Variants in SIGLEC5 observed in about 807,000 individuals in gnomAD.
SIGLEC5 encodes sialic acid binding Ig like lectin 5, also known as sialic acid-binding Ig-like lectin 5.
Under a neutral mutation model 45.9 loss-of-function variants are expected in SIGLEC5, and 34 were observed. The observed-to-expected ratio is 0.74, with a 90% confidence interval of 0.56 to 0.99. The LOEUF (loss-of-function observed/expected upper bound fraction) is 0.99, where lower values mean the gene tolerates loss of function less well. SIGLEC5 is among the 50% of genes least tolerant of loss of function. The pLI, the probability that SIGLEC5 is intolerant of heterozygous loss-of-function variation, is 0.00. For missense variants in SIGLEC5, 508 were observed against 629.6 expected (o/e 0.81, Z 2.07); for synonymous variants, 203 against 258.6 (o/e 0.79, Z 2.06).
chr19:51,625,944 GGGA>G (rs2122633072), intron 8 of SIGLEC5, 85 bp downstream of exon 8: 1 of 987,616 alleles, frequency 1.0e-6, no homozygotes, highest in South Asian at 1.3e-5. Context: ...CAGGTGATGA[GGGA>G]GGAGTGGGTT....
chr19:51,612,263 T>C lies in SIGLEC5; in HGVS notation c.1624A>G (p.Thr542Ala), dbSNP rs1191269080. Residue 542 changes from threonine to alanine, a missense_variant, in exon 9 of 9, where the codon ACG becomes GCG. Coordinates refer to ENST00000683636, the MANE Select transcript of SIGLEC5 (RefSeq NM_003830.4). ...CTTGTCTTGATCTCCGAGTACTCCG[T>C]GGTGCTTGGGGCCTCCTGGTCCTTA... ...EPKDQEAPST[T>A]EYSEIKTSK The C allele has an allele frequency of 6.2e-7, 1 of 1,610,386 alleles. No homozygotes were observed. Among genetic ancestry groups the C allele is most frequent in the Non-Finnish European group, 8.5e-7 (1 of 1,178,040 alleles).
rs997998201 is a variant in SIGLEC5, at chr19:51,612,339, C to G, written c.1548G>C (p.Lys516Asn). 6.2e-7 allele frequency: 1 copy of G among 1,613,314 alleles called. No homozygotes were observed. The highest frequency in any genetic ancestry group is 1.3e-5 in the African/African-American group (1 of 74,874). Residue 516 changes from lysine to asparagine, a missense_variant, in exon 9 of 9, where the codon AAG becomes AAC. Transcript: ENST00000683636. ...PGDAPPLEEQ[K>N]ELHYASLSFS... The stretch of plus-strand genomic sequence containing the variant: ...AACTAAGGGAGGCATAATGGAGCTC[C>G]TTTTGTTCTTCCAAGGGAGGGGCAT...
At chr19:51,618,404 C>T (rs980865163) in intron 8 of SIGLEC5, among the ~76,000 whole-genome samples, 11 of 136,036 alleles carry the variant, frequency 8.1e-5, no homozygotes, top group African/African-American at 2.2e-4. Flanking sequence ...ATCCACATGC[C>T]GCTTCATTCC....
intron 8 of SIGLEC5, among the ~76,000 whole-genome samples, chr19:51,624,192 A>G (rs1217367418): frequency 6.6e-6 from 1 of 152,190 alleles, no homozygotes; most frequent in East Asian, 1.9e-4. Context: ...GGAAAAATGA[A>G]TACAACTGCA....
intron 5 of SIGLEC5, 37 bp from the exon 6 acceptor site, chr19:51,627,783 C>T: frequency 6.4e-7 from 1 of 1,567,778 alleles, no homozygotes; most frequent in Non-Finnish European, 8.7e-7. Flanking sequence ...CAGGGGGCCT[C>T]TTCCTTCTTT....
intron 8 of SIGLEC5, among the ~76,000 whole-genome samples, chr19:51,623,070 C>T (rs1983351183): frequency 6.6e-6 from 1 of 152,196 alleles, no homozygotes. Context: ...CGGATCAATG[C>T]TTGAGGGGCT....
Position 51,628,107 on chromosome 19 carries a change from G to T in SIGLEC5, c.740-16C>A. 1.3e-6 allele frequency: 2 copies of T among 1,503,208 alleles called. No homozygotes were observed. The allele number at this position is 1,503,208 out of a possible 1,614,324, so 93.1% of individuals were successfully genotyped here. ...ATCTCTAGGGCTTTGGGGAGAGAAG[G>T]GTGGGGAAAGAGAGATGGGGCCAGG... On this transcript the variant is annotated splice_polypyrimidine_tract_variant and intron_variant, in intron 4 of 8. Transcript: ENST00000683636.
At chr19:51,614,008 G>C (rs1041685797) in intron 8 of SIGLEC5, among the ~76,000 whole-genome samples, 1 of 152,148 alleles carries the variant, frequency 6.6e-6, no homozygotes, top group African/African-American at 2.4e-5. Context: ...GAAACAAAAT[G>C]GAGCAGATCC....
chr19:51,627,902 C>T lies in SIGLEC5; in HGVS notation c.929G>A (p.Gly310Glu), dbSNP rs746435791. Residue 310 changes from glycine to glutamate, a missense_variant, in exon 5 of 9, where the codon GGA becomes GAA. Around this residue, in one of 2 missense-constraint regions of SIGLEC5, gnomAD observed 431 missense variants for 428.8 expected, o/e 1.01. Coordinates refer to ENST00000683636, the MANE Select transcript of SIGLEC5 (RefSeq NM_003830.4). ...ELRRVRSAEEGGFTCRAQHPL... is the reference protein window; with the variant it reads ...ELRRVRSAEEEGFTCRAQHPL... Reference sequence around the variant, plus strand: ...GTGCTGAGCGCGGCAGGTGAAGCCTCCTTCTTCTGCAGACCTTACTCGACG... The same window carrying T: ...GTGCTGAGCGCGGCAGGTGAAGCCTTCTTCTTCTGCAGACCTTACTCGACG... 1.9e-6 allele frequency: 3 copies of T among 1,613,830 alleles called. No individual in the cohort carries two copies. The South Asian group carries it at 3.3e-5, about 18-fold the overall frequency.
chr19:51,617,048 G>A (rs145449133), intron 8 of SIGLEC5, among the ~76,000 whole-genome samples: 4,906 of 151,990 alleles, frequency 0.032, 109 homozygotes, highest in Non-Finnish European at 0.052. Flanking sequence ...AAGGTCAGGA[G>A]ATCAAGACCA....
chr19:51,623,829 G>A (rs76116566), intron 8 of SIGLEC5, among the ~76,000 whole-genome samples: 2,671 of 152,202 alleles, frequency 0.018, 33 homozygotes, highest in Non-Finnish European at 0.029. Flanking sequence ...TGTTCAGAAC[G>A]GCTCAAATGG....
chr19:51,620,160 A>G (rs1983230240), intron 8 of SIGLEC5, among the ~76,000 whole-genome samples: 1 of 152,064 alleles, frequency 6.6e-6, no homozygotes, highest in Non-Finnish European at 1.5e-5. Flanking sequence ...GCACATAGTG[A>G]CGCCACCAGG....
At chr19:51,627,367 C>A in intron 6 of SIGLEC5, 95 bp downstream of exon 6, 1 of 1,541,798 alleles carries the variant, frequency 6.5e-7, no homozygotes. Flanking sequence ...CCCTGTCTCC[C>A]CACCACCAGT....
chr19:51,616,910 AAAAAAAAAC>A (rs1203177997), intron 8 of SIGLEC5, among the ~76,000 whole-genome samples: 19 of 137,486 alleles, frequency 1.4e-4, no homozygotes, highest in Non-Finnish European at 2.2e-4. Flanking sequence ...GACTGTCAAA[AAAAAAAAAC>A]AAAAAAAAAA....
chr19:51,614,224 A>T, intron 8 of SIGLEC5, among the ~76,000 whole-genome samples: 1 of 152,158 alleles, frequency 6.6e-6, no homozygotes. Flanking sequence ...GTCTCACTGC[A>T]ACCTCCCGTC....
chr19:51,613,410 A>G (rs937671244), intron 8 of SIGLEC5, among the ~76,000 whole-genome samples: 1 of 152,118 alleles, frequency 6.6e-6, no homozygotes, highest in African/African-American at 2.4e-5. Flanking sequence ...CTGATGTGAC[A>G]TTTATCAATT....
rs1983517977 is a variant in SIGLEC5, at chr19:51,627,255, A to G, written c.1283-7T>C. The G allele has an allele frequency of 6.2e-7, 1 of 1,612,894 alleles. No homozygotes were observed. The highest frequency in any genetic ancestry group is 1.1e-5 in the South Asian group (1 of 91,048). ...GTCCCGAGGTTCGATCTCCCTGCAG[A>G]AAAGAGGGGCGTGCAATAACTCACT... On this transcript the variant is annotated splice_polypyrimidine_tract_variant and splice_region_variant and intron_variant, in intron 6 of 8. Coordinates refer to ENST00000683636, the MANE Select transcript of SIGLEC5 (RefSeq NM_003830.4).
intron 8 of SIGLEC5, chr19:51,621,471 T>C (rs1983277068): frequency 6.6e-6 from 1 of 152,188 alleles, no homozygotes; most frequent in East Asian, 1.9e-4. Flanking sequence ...AAATCTGACA[T>C]CTGTTAGAAG....
rs147945480 is a variant in SIGLEC5 at position 51,612,351 on chromosome 19, C to T, written c.1536G>A (p.Leu512=). 33 of 1,613,488 alleles carry T rather than the reference C, an allele frequency of 2.0e-5. No individual in the cohort carries two copies. In the South Asian group the frequency reaches 3.6e-4, roughly 18 times the overall value. ...CATAATGGAGCTCCTTTTGTTCTTC[C>T]AAGGGAGGGGCATCCCCAGGAGGAG... ...QASPPGDAPP[L]EEQKELHYAS... is the part of the protein sequence containing the mutation. Residue 512 remains leucine (L), a synonymous_variant, in exon 9 of 9, where the codon TTG becomes TTA. Transcript: ENST00000683636.
Sources: allele counts gnomAD v4.1 joint callset (sites outside exome capture counted in the v4.1 genomes callset), GRCh38; gene constraint gnomAD v4.1.1; regional missense constraint gnomAD v4.1.1; transcripts MANE v1.5; gene names NCBI Gene and HGNC (gene_info 2026-07-23, HGNC 2026-07-21).